Variants in WLS observed in about 807,000 individuals in gnomAD.
WLS encodes the protein protein wntless homolog.
WLS carries 23 observed loss-of-function variants against 62.8 expected under a neutral mutation model. The ratio of observed to expected loss-of-function variants is 0.37; its 90% CI spans 0.26 to 0.52. The LOEUF (loss-of-function observed/expected upper bound fraction) is 0.52. Among genes scored for constraint, WLS ranks in the 20% least tolerant of loss-of-function variants. The pLI is 0.92. For missense variants in WLS, 615 were observed against 697.3 expected, an observed-to-expected ratio of 0.88 and a Z score of 1.33; for synonymous variants, 246 against 244.1, an observed-to-expected ratio of 1.01 and a Z score of -0.07.
At chr1:68,153,679 G>C (rs761325589) in intron 4 of WLS, 26 bp from the exon 5 acceptor site, 1 of 1,613,872 alleles carries the variant, frequency 6.2e-7, no homozygotes, top group South Asian at 1.1e-5. Flanking sequence ...TGATAATTTT[G>C]AAGGTGAATA....
chr1:68,231,962 C>G, intron 1 of WLS: 1 of 405,310 alleles, frequency 2.5e-6, no homozygotes, highest in Non-Finnish European at 4.7e-6. Context: ...TCTTGCCTTT[C>G]AAGTGGATAC....
intron 2 of WLS, chr1:68,176,202 TC>T (rs1455450710): frequency 6.7e-6 from 1 of 150,212 alleles, no homozygotes; most frequent in Admixed American, 6.6e-5. Context: ...CTTATCTTTT[TC>T]CTCTGTGACT....
downstream of WLS, chr1:68,125,212 A>G: frequency 1.3e-6 from 1 of 752,780 alleles, no homozygotes. Flanking sequence ...CACACAGGAC[A>G]GAAAATGTCA....
chr1:68,120,684 C>T (rs1646352921), downstream of WLS, among the ~76,000 whole-genome samples: 1 of 146,492 alleles, frequency 6.8e-6, no homozygotes, highest in Non-Finnish European at 1.5e-5. Flanking sequence ...CACATCACTG[C>T]TGTTAAGTTC....
exon 12 of WLS, chr1:68,098,498 G>A (rs1646035977): frequency 1.5e-6 from 2 of 1,366,748 alleles, no homozygotes; most frequent in South Asian, 3.4e-5. Flanking sequence ...ATTTATTGTT[G>A]ACGCTTTTTT....
In WLS at chr1:68,125,907, C is replaced by G; in HGVS notation, c.*319G>C. 9.2e-7 allele frequency: 1 copy of G among 1,083,444 alleles called. No homozygotes were observed. Among genetic ancestry groups the G allele is most frequent in the Non-Finnish European group, 1.1e-6 (1 of 891,746 alleles). 67.1% of individuals were successfully genotyped at this position (1,083,444 alleles called of 1,614,324 possible). On this transcript the variant is annotated 3_prime_UTR_variant, in exon 12 of 12. Coordinates refer to ENST00000262348, the MANE Select transcript of WLS (RefSeq NM_024911.7). ...CCCAAACCATCCCCCAAGGAATACA[C>G]CCCCACCCCACCCCCACATGAGGTT...
At chr1:68,149,294 T>C (rs1476151988) in intron 6 of WLS, among the ~76,000 whole-genome samples, 1 of 152,182 alleles carries the variant, frequency 6.6e-6, no homozygotes, top group Non-Finnish European at 1.5e-5. Flanking sequence ...TTGGCTGGCT[T>C]CCTGGTGCTG....
intron 11 of WLS, among the ~76,000 whole-genome samples, chr1:68,133,413 G>T (rs1289717516): frequency 2.0e-5 from 3 of 152,130 alleles, no homozygotes; most frequent in Admixed American, 1.3e-4. Flanking sequence ...CTTTCAAGAG[G>T]TAGATGAGGA....
intron 1 of WLS, among the ~76,000 whole-genome samples, chr1:68,228,627 A>T (rs1357057262): frequency 5.3e-5 from 8 of 151,984 alleles, no homozygotes; most frequent in African/African-American, 1.9e-4. Context: ...GTACTACCGC[A>T]TTTTTAAATA....
downstream of WLS, among the ~76,000 whole-genome samples, chr1:68,121,399 G>A (rs1646362119): frequency 6.6e-6 from 1 of 152,160 alleles, no homozygotes; most frequent in Admixed American, 6.5e-5. Context: ...GGAAAGGTCT[G>A]GTCTCAATAG....
chr1:68,219,905 T>A (rs778854048), intron 1 of WLS, among the ~76,000 whole-genome samples: 1 of 152,194 alleles, frequency 6.6e-6, no homozygotes, highest in South Asian at 2.1e-4. Flanking sequence ...CAGTGGATGA[T>A]GACTCCAATT....
At chr1:68,178,226 T>G (rs1264267056) in intron 2 of WLS, among the ~76,000 whole-genome samples, 3 of 152,234 alleles carry the variant, frequency 2.0e-5, no homozygotes, top group Non-Finnish European at 4.4e-5. Flanking sequence ...TTTCCCCTTC[T>G]ATGTTTATGG....
rs192845212 is a variant in WLS, at chr1:68,175,500, C to T, written c.380-16253G>A. Among the ~76,000 whole-genome samples, 317 of 152,322 alleles carry T rather than the reference C, an allele frequency of 2.1e-3. 2 individuals are homozygous for T. Among genetic ancestry groups the T allele is most frequent in the South Asian group, 3.7e-3 (18 of 4,830 alleles). On this transcript the variant is annotated intron_variant, in intron 2 of 11. Coordinates refer to ENST00000262348, the MANE Select transcript of WLS (RefSeq NM_024911.7). ...CAAACAATTTGAGTAAGTCACTTTA[C>T]ATAATGTATTATTTCATGAAATACT... is the stretch of plus-strand genomic sequence containing the variant.
intron 2 of WLS, among the ~76,000 whole-genome samples, chr1:68,171,698 C>T (rs1364562604): frequency 6.6e-6 from 1 of 152,190 alleles, no homozygotes; most frequent in Admixed American, 6.5e-5. Context: ...AATAGGAACA[C>T]TTTTACACTG....
chr1:68,232,494 G>T lies in WLS; in HGVS notation c.-195C>A. The T allele has an allele frequency of 9.9e-6, 12 of 1,212,474 alleles. No homozygotes were observed. Among genetic ancestry groups the T allele is most frequent in the Non-Finnish European group, 1.3e-5 (12 of 922,682 alleles). The allele number at this position is 1,212,474 out of a possible 1,614,324, so 75.1% of individuals were successfully genotyped here. On this transcript the variant is annotated 5_prime_UTR_variant, in exon 1 of 12. Transcript: ENST00000262348. ...GGATTCCCCCGGCGCAGCCGGCTCG[G>T]GTTCCCCCAATGCCCGGAGCTGTGA...
At chr1:68,220,898 A>G (rs1427600754) in intron 1 of WLS, among the ~76,000 whole-genome samples, 1 of 152,204 alleles carries the variant, frequency 6.6e-6, no homozygotes, top group Non-Finnish European at 1.5e-5. Context: ...ACTGTTTCAT[A>G]TATACATTAA....
At chr1:68,193,192 C>T (rs962492065) in intron 2 of WLS, among the ~76,000 whole-genome samples, 2 of 151,480 alleles carry the variant, frequency 1.3e-5, no homozygotes, top group East Asian at 3.9e-4. Flanking sequence ...GCCTTTAACA[C>T]ATCTTTTTCC....
intron 11 of WLS, among the ~76,000 whole-genome samples, chr1:68,116,281 A>C (rs914826447): frequency 5.3e-5 from 8 of 152,204 alleles, no homozygotes; most frequent in African/African-American, 1.9e-4. Flanking sequence ...GGCCCGTGTA[A>C]GCATACACTT....
At chr1:68,119,613 G>A (rs1278536041) in intron 11 of WLS, among the ~76,000 whole-genome samples, 1 of 152,220 alleles carries the variant, frequency 6.6e-6, no homozygotes, top group Non-Finnish European at 1.5e-5. Context: ...CAGCTTGACA[G>A]AGGCCCTGGC....
Sources: allele counts gnomAD v4.1 joint callset (sites outside exome capture counted in the v4.1 genomes callset), GRCh38; gene constraint gnomAD v4.1.1; transcripts MANE v1.5; gene names NCBI Gene and HGNC (gene_info 2026-07-23, HGNC 2026-07-21).